The following GABRG3 variants were observed in gnomAD, a reference collection of about 807,000 sequenced individuals.
The protein encoded by GABRG3 is gamma-aminobutyric acid type A receptor subunit gamma3.
Under a neutral mutation model 48.8 loss-of-function variants are expected in GABRG3, and 25 were observed. The observed-to-expected ratio is 0.51, with a 90% CI of 0.37 to 0.72. The LOEUF is 0.72. GABRG3 is among the 30% of genes least tolerant of loss of function. The probability of loss-of-function intolerance (pLI) is 0.00; values close to 1 mark genes in which losing one functional copy is unlikely to be tolerated. For missense variants in GABRG3, 394 were observed against 577.9 expected, an observed-to-expected ratio of 0.68 and a Z score of 3.26; for synonymous variants, 227 against 217.6, an observed-to-expected ratio of 1.04 and a Z score of -0.38.
intron 3 of GABRG3, among the ~76,000 whole-genome samples, chr15:27,321,086 A>G (rs1893409631): frequency 6.6e-6 from 1 of 151,828 alleles, no homozygotes; most frequent in African/African-American, 2.4e-5. Flanking sequence ...TGCACCCCTC[A>G]CCTTTCCAAC....
chr15:27,435,092 C>A (rs1442055353), intron 5 of GABRG3, among the ~76,000 whole-genome samples: 1 of 152,026 alleles, frequency 6.6e-6, no homozygotes, highest in Non-Finnish European at 1.5e-5. Flanking sequence ...CTGTGCCCCA[C>A]TTTTGTAGGT....
intron 5 of GABRG3, among the ~76,000 whole-genome samples, chr15:27,468,871 T>C (rs1202892466): frequency 6.6e-6 from 1 of 152,192 alleles, no homozygotes; most frequent in Admixed American, 6.5e-5. Flanking sequence ...AAAAAAATCT[T>C]CTATTCATGA....
chr15:26,996,617 C>T (rs1895344453), intron 2 of GABRG3, among the ~76,000 whole-genome samples: 1 of 144,006 alleles, frequency 6.9e-6, no homozygotes, highest in Admixed American at 6.9e-5. Context: ...TATGTATATA[C>T]TGGCTTATTT....
chr15:27,230,558 C>T (rs1889765366), intron 3 of GABRG3, among the ~76,000 whole-genome samples: 1 of 151,994 alleles, frequency 6.6e-6, no homozygotes, highest in Non-Finnish European at 1.5e-5. Context: ...CAAAATGAAG[C>T]ATAGGCTTTT....
intron 5 of GABRG3, among the ~76,000 whole-genome samples, chr15:27,336,185 G>C (rs774791587): frequency 2.8e-5 from 4 of 144,298 alleles, no homozygotes; most frequent in Non-Finnish European, 6.0e-5. Context: ...GCAAGAGTCA[G>C]TATGAAAAGA....
At chr15:27,066,240 C>A (rs1271974108) in intron 3 of GABRG3, among the ~76,000 whole-genome samples, 2 of 152,216 alleles carry the variant, frequency 1.3e-5, no homozygotes, top group Non-Finnish European at 2.9e-5. Context: ...AAACCTCACT[C>A]AATACTAACA....
intron 5 of GABRG3, among the ~76,000 whole-genome samples, chr15:27,376,313 TG>T (rs1227308891): frequency 1.3e-5 from 2 of 152,216 alleles, no homozygotes; most frequent in Non-Finnish European, 2.9e-5. Flanking sequence ...CTTTTCCTGG[TG>T]CACGATGCAA....
intron 3 of GABRG3, among the ~76,000 whole-genome samples, chr15:27,322,524 A>C (rs1184354114): frequency 6.6e-6 from 1 of 152,218 alleles, no homozygotes; most frequent in Non-Finnish European, 1.5e-5. Flanking sequence ...AGATAGAGAA[A>C]TGAGAAAAAA....
At chr15:27,222,869 A>G (rs1011452577) in intron 3 of GABRG3, among the ~76,000 whole-genome samples, 1 of 152,202 alleles carries the variant, frequency 6.6e-6, no homozygotes, top group South Asian at 2.1e-4. Flanking sequence ...CAGAGTGGCC[A>G]TGCCTTAATT....
chr15:27,036,144 A>G (rs56309634), intron 3 of GABRG3, among the ~76,000 whole-genome samples: 17,013 of 152,254 alleles, frequency 0.11, 1,029 homozygotes, highest in East Asian at 0.21. Flanking sequence ...CGAATAAACA[A>G]ATATGCACAC....
At chr15:27,284,740 G>T (rs574702107) in intron 3 of GABRG3, among the ~76,000 whole-genome samples, 29 of 152,266 alleles carry the variant, frequency 1.9e-4, no homozygotes, top group African/African-American at 6.7e-4. Context: ...TTTGACCAGC[G>T]ATCTGCAGAC....
chr15:27,262,121 T>C (rs1024090249), intron 3 of GABRG3, among the ~76,000 whole-genome samples: 22 of 152,194 alleles, frequency 1.4e-4, no homozygotes, highest in Admixed American at 3.3e-4. Context: ...CATCTGGGCA[T>C]CCTTGCTAAG....
chr15:27,208,853 C>T (rs1434826547), intron 3 of GABRG3, among the ~76,000 whole-genome samples: 1 of 152,154 alleles, frequency 6.6e-6, no homozygotes, highest in Non-Finnish European at 1.5e-5. Flanking sequence ...GGATTCTATG[C>T]AAAGAAACTA....
chr15:27,307,610 C>T (rs1445956014), intron 3 of GABRG3, among the ~76,000 whole-genome samples: 1 of 103,592 alleles, frequency 9.7e-6, no homozygotes, highest in African/African-American at 3.6e-5. Flanking sequence ...TATATATAAA[C>T]ATAGGTTTAT....
intron 3 of GABRG3, among the ~76,000 whole-genome samples, chr15:27,308,106 G>C (rs1892753308): frequency 7.8e-6 from 1 of 127,824 alleles, no homozygotes; most frequent in Admixed American, 8.0e-5. Context: ...AAACATATAT[G>C]TTTATACATC....
At chr15:27,005,217 T>G (rs1418578790) in intron 2 of GABRG3, among the ~76,000 whole-genome samples, 1 of 152,070 alleles carries the variant, frequency 6.6e-6, no homozygotes, top group African/African-American at 2.4e-5. Flanking sequence ...TTTATTTATT[T>G]TTGAGATGGA....
chr15:27,128,782 C>T (rs1897865673), intron 3 of GABRG3, among the ~76,000 whole-genome samples: 2 of 152,174 alleles, frequency 1.3e-5, no homozygotes, highest in African/African-American at 4.8e-5. Flanking sequence ...CTGGGGTTCT[C>T]CTACTATTCC....
chr15:27,126,471 C>T (rs1000723675), intron 3 of GABRG3, among the ~76,000 whole-genome samples: 2 of 152,140 alleles, frequency 1.3e-5, no homozygotes, highest in African/African-American at 4.8e-5. Flanking sequence ...GACTTCTGAC[C>T]ATCTTCAGGA....
intron 5 of GABRG3, among the ~76,000 whole-genome samples, chr15:27,476,898 GA>G (rs2150843056): frequency 6.6e-6 from 1 of 152,246 alleles, no homozygotes; most frequent in South Asian, 2.1e-4. Flanking sequence ...TAAAGACAGA[GA>G]ACATTTTGAA....
Sources: allele counts gnomAD v4.1 joint callset (sites outside exome capture counted in the v4.1 genomes callset), GRCh38; gene constraint gnomAD v4.1.1; transcripts MANE v1.5; gene names NCBI Gene and HGNC (gene_info 2026-07-23, HGNC 2026-07-21).